FNDC3A: variants seen among roughly 807,000 people sequenced by gnomAD.
FNDC3A encodes the protein fibronectin type-III domain-containing protein 3A.
FNDC3A carries 32 observed loss-of-function variants against 148.9 expected under a neutral mutation model. The observed-to-expected ratio is 0.21, with a 90% CI of 0.16 to 0.29. The LOEUF is 0.29. Among genes scored for constraint, FNDC3A ranks in the 10% least tolerant of loss-of-function variants. The pLI, the probability that FNDC3A is intolerant of heterozygous loss-of-function variation, is 1.00. For missense variants in FNDC3A, 1,191 were observed against 1,452.8 expected, an observed-to-expected ratio of 0.82 and a Z score of 2.93; for synonymous variants, 472 against 473.6, an observed-to-expected ratio of 1.00 and a Z score of 0.04.
At chr13:49,032,657 A>C (rs1317042999) in intron 2 of FNDC3A, among the ~76,000 whole-genome samples, 1 of 151,742 alleles carries the variant, frequency 6.6e-6, no homozygotes, top group Non-Finnish European at 1.5e-5. Context: ...AATGGCGTGA[A>C]CCCGGGAGGC....
chr13:49,189,164 A>AT lies in FNDC3A; in HGVS notation c.1944+545dup, dbSNP rs796199280. ...AGGGATGTATGTTTATTAATGAGTG[A>AT]TTTTTTTTTTTTTTGGGAAACAGTC... is the stretch of plus-strand genomic sequence containing the variant. On this transcript the variant is annotated intron_variant, in intron 17 of 25. Transcript: ENST00000492622. 9.1e-3 allele frequency among the ~76,000 whole-genome samples: 988 copies of AT among 108,672 alleles called. 6 individuals carry two copies. Among genetic ancestry groups the AT allele is most frequent in the South Asian group, 0.022 (69 of 3,088 alleles). 71.3% of individuals were successfully genotyped at this position (108,672 alleles called of 152,430 possible).
chr13:49,203,756 G>A (rs1214741002), intron 25 of FNDC3A, among the ~76,000 whole-genome samples: 2 of 152,182 alleles, frequency 1.3e-5, no homozygotes, highest in Admixed American at 6.5e-5. Flanking sequence ...GGAGAGAAGA[G>A]TGTTCCAAGA....
intron 2 of FNDC3A, among the ~76,000 whole-genome samples, chr13:49,018,861 G>A (rs796929312): frequency 2.4e-5 from 3 of 124,450 alleles, no homozygotes; most frequent in Admixed American, 8.0e-5. Context: ...GTACCCGGCC[G>A]TGTGAGGTGT....
intron 1 of FNDC3A, among the ~76,000 whole-genome samples, chr13:48,996,225 C>T (rs993620091): frequency 1.3e-5 from 2 of 152,136 alleles, no homozygotes; most frequent in African/African-American, 2.4e-5. Flanking sequence ...TACATAATCT[C>T]ACCATCTTGA....
chr13:48,975,313 G>T (rs1345845772), upstream of FNDC3A: 1 of 152,174 alleles, frequency 6.6e-6, no homozygotes, highest in Non-Finnish European at 1.5e-5. Context: ...TCGTGCTGTT[G>T]TAAAAATTGA....
chr13:49,084,816 G>C (rs761953730), intron 3 of FNDC3A, among the ~76,000 whole-genome samples: 1 of 151,986 alleles, frequency 6.6e-6, no homozygotes, highest in Non-Finnish European at 1.5e-5. Context: ...AGGAGTTATT[G>C]ATGTTTTCTC....
rs529449092 is a variant in FNDC3A at position 49,196,512 on chromosome 13, A to C, written c.2227-365A>C. On this transcript the variant is annotated intron_variant, in intron 19 of 25. Transcript: ENST00000492622. ...GTGAAGTATTAAAAAATTAAAAATA[A>C]TAATTTACACCTACCATCTCCCGTA... 5.3e-5 allele frequency among the ~76,000 whole-genome samples: 8 copies of C among 152,240 alleles called. 1 individual carries two copies. The South Asian group carries it at 8.3e-4, about 16-fold the overall frequency.
chr13:49,133,124 A>G (rs181749823), intron 5 of FNDC3A, among the ~76,000 whole-genome samples: 1 of 152,282 alleles, frequency 6.6e-6, no homozygotes, highest in African/African-American at 2.4e-5. Context: ...TGCCCAAGTA[A>G]TGCAAATTGG....
intron 4 of FNDC3A, among the ~76,000 whole-genome samples, chr13:49,128,776 T>C (rs1041738679): frequency 6.6e-6 from 1 of 152,224 alleles, no homozygotes; most frequent in Non-Finnish European, 1.5e-5. Context: ...CTTCCTTTCA[T>C]CCCTTGGGTA....
intron 2 of FNDC3A, among the ~76,000 whole-genome samples, chr13:49,049,321 A>G (rs148171248): frequency 0.012 from 1,876 of 152,264 alleles, 22 homozygotes; most frequent in Non-Finnish European, 0.018. Context: ...TACTGGCTTC[A>G]TAGAATGATT....
intron 3 of FNDC3A, among the ~76,000 whole-genome samples, chr13:49,085,295 A>T (rs1186856091): frequency 2.6e-5 from 4 of 152,158 alleles, no homozygotes; most frequent in African/African-American, 9.7e-5. Flanking sequence ...CTGTTACCTC[A>T]TGGTAAGTTA....
chr13:48,977,561 CTTGG>C (rs1951625975), intron 1 of FNDC3A, among the ~76,000 whole-genome samples: 1 of 152,146 alleles, frequency 6.6e-6, no homozygotes, highest in Admixed American at 6.5e-5. Flanking sequence ...TGGATATTTT[CTTGG>C]TTGAATTAAT....
chr13:49,090,674 T>C (rs538289583), intron 3 of FNDC3A, among the ~76,000 whole-genome samples: 171 of 147,840 alleles, frequency 1.2e-3, no homozygotes, highest in African/African-American at 4.1e-3. Context: ...TTTTCCCCCG[T>C]CTGGGAGCCA....
At chr13:49,046,968 C>A (rs918365249) in intron 2 of FNDC3A, among the ~76,000 whole-genome samples, 2 of 152,058 alleles carry the variant, frequency 1.3e-5, no homozygotes, top group Non-Finnish European at 2.9e-5. Context: ...GCAGTGTACA[C>A]TGTACCCAAT....
At chr13:48,988,222 C>T (rs913463931) in intron 1 of FNDC3A, among the ~76,000 whole-genome samples, 21 of 152,176 alleles carry the variant, frequency 1.4e-4, no homozygotes, top group African/African-American at 4.8e-4. Context: ...TAACACCCCA[C>T]TGTCAGTATT....
chr13:49,018,093 T>G (rs993375262), intron 2 of FNDC3A, among the ~76,000 whole-genome samples: 3 of 151,182 alleles, frequency 2.0e-5, no homozygotes, highest in Admixed American at 1.3e-4. Flanking sequence ...GAGTTGCTCT[T>G]CTCGAGGAGT....
chr13:49,151,846 G>A (rs887308821), intron 8 of FNDC3A, among the ~76,000 whole-genome samples: 1 of 152,126 alleles, frequency 6.6e-6, no homozygotes, highest in Non-Finnish European at 1.5e-5. Context: ...TTCTGTCCTT[G>A]CGATAGTTTG....
chr13:49,073,713 G>A (rs1012762376), intron 2 of FNDC3A, among the ~76,000 whole-genome samples: 2 of 141,594 alleles, frequency 1.4e-5, no homozygotes, highest in Non-Finnish European at 3.0e-5. Context: ...TAATATATAT[G>A]TGTATATATA....
rs1886229057 is a variant in FNDC3A, at chr13:49,197,844, A to G, written c.2460A>G (p.Ser820=). 6.2e-7 allele frequency: 1 copy of G among 1,605,566 alleles called. No individual in the cohort carries two copies. Among genetic ancestry groups the G allele is most frequent in the Admixed American group, 1.8e-5 (1 of 56,908 alleles). ...PGLSYEIKGL[S]PATTYYCRVQ... is the part of the protein sequence containing the mutation. ...TCAGTTATGAAATAAAAGGACTTTC[A>G]CCAGCAACTACCTATTATTGCAGGG... Residue 820 remains serine (S), a synonymous_variant, in exon 21 of 26, where the codon TCA becomes TCG. Transcript: ENST00000492622.
Sources: allele counts gnomAD v4.1 joint callset (sites outside exome capture counted in the v4.1 genomes callset), GRCh38; gene constraint gnomAD v4.1.1; transcripts MANE v1.5; gene names NCBI Gene and HGNC (gene_info 2026-07-23, HGNC 2026-07-21).